INTS10: variants seen among roughly 807,000 people sequenced by gnomAD.
INTS10 encodes chromosome 8 open reading frame 35.
INTS10 carries 44 observed loss-of-function variants against 94.4 expected under a neutral mutation model. The ratio of observed to expected loss-of-function variants is 0.47; its 90% CI spans 0.37 to 0.60. The LOEUF is 0.60. INTS10 is among the 20% of genes least tolerant of loss of function. The pLI, the probability that INTS10 is intolerant of heterozygous loss-of-function variation, is 0.00. For missense variants in INTS10, 797 were observed against 868.7 expected, an observed-to-expected ratio of 0.92 and a Z score of 1.04; for synonymous variants, 341 against 320.7, an observed-to-expected ratio of 1.06 and a Z score of -0.68.
intron 1 of INTS10, 144 bp from the exon 2 acceptor site, chr8:19,818,131 T>A: frequency 1.3e-6 from 1 of 780,174 alleles, no homozygotes; most frequent in South Asian, 1.5e-5. Flanking sequence ...ATGGCAAGTC[T>A]GCCATGTATG....
intron 16 of INTS10, among the ~76,000 whole-genome samples, chr8:19,850,272 A>G (rs1299045944): frequency 6.6e-6 from 1 of 152,178 alleles, no homozygotes; most frequent in East Asian, 1.9e-4. Context: ...GAAGAGCAGT[A>G]TCTCAGGGCA....
At chr8:19,850,755 TAACTG>T (rs1193678711) in intron 16 of INTS10, among the ~76,000 whole-genome samples, 9 of 152,218 alleles carry the variant, frequency 5.9e-5, no homozygotes, top group African/African-American at 1.9e-4. Flanking sequence ...CCCTTCCTCT[TAACTG>T]AGCTGACTGA....
intron 13 of INTS10, among the ~76,000 whole-genome samples, chr8:19,838,198 A>C (rs2067822272): frequency 6.6e-6 from 1 of 152,130 alleles, no homozygotes; most frequent in Non-Finnish European, 1.5e-5. Flanking sequence ...TCTACTAAAA[A>C]TATAAAAATT....
intron 13 of INTS10, 148 bp downstream of exon 13, chr8:19,837,308 A>G (rs1485820770): frequency 3.2e-6 from 2 of 616,110 alleles, no homozygotes; most frequent in African/African-American, 1.8e-5. Flanking sequence ...TGGGCAATGT[A>G]GTGAGACCCC....
At chr8:19,827,694 T>C (rs181216930) in intron 9 of INTS10, among the ~76,000 whole-genome samples, 12 of 152,244 alleles carry the variant, frequency 7.9e-5, no homozygotes, top group African/African-American at 2.9e-4. Context: ...TGTCAAGCAC[T>C]CATCTAGCAA....
In INTS10 at chr8:19,846,205, T is replaced by C; in HGVS notation, c.1976+408T>C. The stretch of plus-strand genomic sequence containing the variant: ...GGGAGGCCAAGGAGGACAGATCACC[T>C]AAGGCCAGGAATTCAGGACCAGCCT... On this transcript the variant is annotated intron_variant, in intron 16 of 16. Coordinates refer to ENST00000397977, the MANE Select transcript of INTS10 (RefSeq NM_018142.4). The surrounding 1 kb of genome is among the most constrained non-coding windows in gnomAD (Gnocchi z 4.2). Among the ~76,000 whole-genome samples the C allele has an allele frequency of 6.7e-6, 1 of 150,288 alleles. No homozygotes were observed. The highest frequency in any genetic ancestry group is 1.5e-5 in the Non-Finnish European group (1 of 67,770).
intron 10 of INTS10, among the ~76,000 whole-genome samples, chr8:19,831,187 G>A (rs1434145402): frequency 2.0e-5 from 3 of 152,158 alleles, no homozygotes; most frequent in Admixed American, 2.0e-4. Context: ...CTGCAGTCAT[G>A]TGTCATACAG....
rs777264869 is a variant in INTS10, at chr8:19,843,376, C to T, written c.1719+449C>T. Reference sequence around the variant, plus strand: ...GGGAAAGTTCCGGGACTTGAAAGAACGCCAAGGCCCTTGGCTACAGGTAGA... The same window carrying T: ...GGGAAAGTTCCGGGACTTGAAAGAATGCCAAGGCCCTTGGCTACAGGTAGA... On this transcript the variant is annotated intron_variant, in intron 14 of 16. Transcript: ENST00000397977. The surrounding 1 kb of genome is among the most constrained non-coding windows in gnomAD (Gnocchi z 4.7). Among the ~76,000 whole-genome samples the T allele has an allele frequency of 3.2e-4, 48 of 152,118 alleles. No individual in the cohort carries two copies. The highest frequency in any genetic ancestry group is 5.1e-4 in the African/African-American group (21 of 41,418).
rs1181795225 is a variant in INTS10, at chr8:19,817,438, C to T, written c.-100C>T. On this transcript the variant is annotated 5_prime_UTR_variant, in exon 1 of 17. Transcript: ENST00000397977. ...TCCAGACATGCGCAGTAGCCTCCCC[C>T]GCGGTGGCGGCGGCGGCGGCGGTGG... 2.2e-6 allele frequency: 3 copies of T among 1,359,416 alleles called. No homozygotes were observed. The highest frequency in any genetic ancestry group is 1.3e-5 in the South Asian group (1 of 75,916). The allele number at this position is 1,359,416 out of a possible 1,614,324, so 84.2% of individuals were successfully genotyped here. A position where few individuals can be genotyped will look rare whatever the true frequency, so the allele number is the denominator to read the frequency against.
chr8:19,823,164 A>G (rs766500772), intron 5 of INTS10, 137 bp from the exon 6 acceptor site: 6 of 648,720 alleles, frequency 9.2e-6, no homozygotes, highest in South Asian at 1.9e-5. Context: ...CACATTTTGA[A>G]TACATGAGTC....
intron 12 of INTS10, among the ~76,000 whole-genome samples, chr8:19,833,533 C>T (rs534570046): frequency 1.2e-3 from 180 of 152,242 alleles, no homozygotes; most frequent in African/African-American, 4.2e-3. Context: ...GGCATCAGTA[C>T]TTTTTACATT....
At position 19,817,452 on chromosome 8, in the gene INTS10, C is replaced by G. The variant is rs1158520092; in HGVS notation, c.-86C>G. 2 of 1,517,288 alleles carry G rather than the reference C, an allele frequency of 1.3e-6. No homozygotes were observed. Among genetic ancestry groups the G allele is most frequent in the African/African-American group, 2.8e-5 (2 of 72,666 alleles). The allele number at this position is 1,517,288 out of a possible 1,614,324, so 94.0% of individuals were successfully genotyped here. On this transcript the variant is annotated 5_prime_UTR_variant, in exon 1 of 17. Coordinates refer to ENST00000397977, the MANE Select transcript of INTS10 (RefSeq NM_018142.4). Reference sequence around the variant, plus strand: ...GTAGCCTCCCCCGCGGTGGCGGCGGCGGCGGCGGTGGCTGCCGTGGCGGCT... The same window carrying G: ...GTAGCCTCCCCCGCGGTGGCGGCGGGGGCGGCGGTGGCTGCCGTGGCGGCT...
chr8:19,829,953 C>G (rs1178834475), intron 9 of INTS10, among the ~76,000 whole-genome samples: 1 of 152,198 alleles, frequency 6.6e-6, no homozygotes, highest in East Asian at 1.9e-4. Context: ...TAGGCATAAG[C>G]TGCCACGCCC....
At position 19,826,408 on chromosome 8, in the gene INTS10, G is replaced by T. The variant is rs1195477314; in HGVS notation, c.1007-18G>T. 6.2e-7 allele frequency: 1 copy of T among 1,601,302 alleles called. No homozygotes were observed. Among genetic ancestry groups the T allele is most frequent in the Non-Finnish European group, 8.5e-7 (1 of 1,175,136 alleles). On this transcript the variant is annotated intron_variant, in intron 8 of 16. Coordinates refer to ENST00000397977, the MANE Select transcript of INTS10 (RefSeq NM_018142.4). ...CCTTGCTGCACTGGTAAGTGTTGGT[G>T]TTTTTCCCCGTCCTTAGGTCCTAAT...
intron 13 of INTS10, among the ~76,000 whole-genome samples, chr8:19,840,634 T>C (rs547882894): frequency 5.3e-5 from 8 of 152,202 alleles, no homozygotes; most frequent in Non-Finnish European, 8.8e-5. Flanking sequence ...TTTGATCAAA[T>C]GATTTTCGAT....
At chr8:19,829,611 A>C (rs1024220751) in intron 9 of INTS10, among the ~76,000 whole-genome samples, 1 of 152,244 alleles carries the variant, frequency 6.6e-6, no homozygotes, top group Non-Finnish European at 1.5e-5. Flanking sequence ...AGTCATGCGC[A>C]GTGAACCAAA....
chr8:19,825,690 A>G (rs1174426771), intron 8 of INTS10, among the ~76,000 whole-genome samples: 1 of 152,200 alleles, frequency 6.6e-6, no homozygotes, highest in Non-Finnish European at 1.5e-5. Context: ...TAAGAGTGAA[A>G]TCACCCACAA....
In INTS10 at chr8:19,817,517, C is replaced by T. The variant is rs772032282; in HGVS notation, c.-21C>T. 1.3e-6 allele frequency: 2 copies of T among 1,599,862 alleles called. No homozygotes were observed. The highest frequency in any genetic ancestry group is 2.2e-5 in the East Asian group (1 of 44,448). On this transcript the variant is annotated 5_prime_UTR_variant, in exon 1 of 17. Transcript: ENST00000397977. Reference sequence around the variant, plus strand: ...GGACGTTCCGGCCGCTTCGGGCTGGCGGCTGGAGAGCGCTCGGGTCATGTC... The same window carrying T: ...GGACGTTCCGGCCGCTTCGGGCTGGTGGCTGGAGAGCGCTCGGGTCATGTC...
Position 19,823,409 on chromosome 8 carries a change from C to T in INTS10, c.632C>T (p.Thr211Ile). The T allele has an allele frequency of 6.2e-7, 1 of 1,605,082 alleles. No individual in the cohort carries two copies. The highest frequency in any genetic ancestry group is 1.3e-5 in the African/African-American group (1 of 74,804). The change falls in exon 6 of 17, where the codon ACT becomes ATT. Residue 211 changes from threonine to isoleucine, a missense_variant. Physicochemically the swap from Thr to Ile is moderately conservative, Grantham distance 89. Transcript: ENST00000397977. The part of the protein sequence containing the change: ...KAAEFYINYV[T>I]RSTQIENQHQ... ...GCTGAATTTTATATCAATTATGTCA[C>T]TAGGTCTACTCAAATAGAAAATCAG...
Sources: allele counts gnomAD v4.1 joint callset (sites outside exome capture counted in the v4.1 genomes callset), GRCh38; gene constraint gnomAD v4.1.1; non-coding constraint Gnocchi (gnomAD v3.1); transcripts MANE v1.5; gene names NCBI Gene and HGNC (gene_info 2026-07-23, HGNC 2026-07-21).